MAN2C1: variants seen among roughly 807,000 people sequenced by gnomAD.
MAN2C1 encodes the protein mannosidase alpha class 2C member 1.
A neutral mutation model predicts 126.9 loss-of-function variants in MAN2C1; 111 were observed. That is an observed-to-expected ratio of 0.87 (90% CI 0.75 to 1.02). The LOEUF is 1.02. Among genes scored for constraint, MAN2C1 ranks in the 50% least tolerant of loss-of-function variants. The pLI, the probability that MAN2C1 is intolerant of heterozygous loss-of-function variation, is 0.00. For missense variants in MAN2C1, 1,363 were observed against 1,364.4 expected (o/e 1.00, Z 0.02); for synonymous variants, 567 against 561.5 (o/e 1.01, Z -0.14).
chr15:75,366,324 G>A (rs1365558387), intron 4 of MAN2C1, among the ~76,000 whole-genome samples, 198 bp downstream of exon 4: 1 of 152,220 alleles, frequency 6.6e-6, no homozygotes. Flanking sequence ...GCCTCCCAGG[G>A]TAGTGTGGGT....
rs911923170 is a variant in MAN2C1, at chr15:75,368,380, T to C, written c.101+103A>G. 6 of 1,394,998 alleles carry C rather than the reference T, an allele frequency of 4.3e-6. No homozygotes were observed. In the African/African-American group the frequency reaches 8.6e-5, roughly 20 times the overall value. 86.4% of individuals were successfully genotyped at this position (1,394,998 alleles called of 1,614,324 possible). A position where few individuals can be genotyped will look rare whatever the true frequency, so the allele number is the denominator to read the frequency against. ...CCCCTGCCCTGCCCGCGGCGGGCACTTTGTCCCGCGGCCCGGGTGGCTGCA... is the reference window on the plus strand; with the variant it reads ...CCCCTGCCCTGCCCGCGGCGGGCACCTTGTCCCGCGGCCCGGGTGGCTGCA... On this transcript the variant is annotated intron_variant, in intron 1 of 25. Coordinates refer to ENST00000267978, the MANE Select transcript of MAN2C1 (RefSeq NM_006715.4).
At position 75,364,125 on chromosome 15, in the gene MAN2C1, C is replaced by A; in HGVS notation, c.664G>T (p.Val222Leu). 1.2e-6 allele frequency: 2 copies of A among 1,614,174 alleles called. No individual in the cohort carries two copies. Among genetic ancestry groups the A allele is most frequent in the Non-Finnish European group, 1.7e-6 (2 of 1,180,000 alleles). ...ALYTANQMVN[V>L]CDPAQPETFP... Reference sequence around the variant, plus strand: ...GTCTCGGGCTGGGCAGGGTCACACACGTTCACCATCTGATTGGCTGTGTAC... The same window carrying A: ...GTCTCGGGCTGGGCAGGGTCACACAAGTTCACCATCTGATTGGCTGTGTAC... Residue 222 changes from valine to leucine, a missense_variant, in exon 6 of 26, where the codon GTG (valine) becomes TTG (leucine). By Grantham distance (32) the Val-to-Leu change is conservative. Coordinates refer to ENST00000267978, the MANE Select transcript of MAN2C1 (RefSeq NM_006715.4).
At chr15:75,359,515 T>A in intron 16 of MAN2C1, 90 bp from the exon 17 acceptor site, 2 of 1,559,480 alleles carry the variant, frequency 1.3e-6, no homozygotes, top group Admixed American at 3.5e-5. Flanking sequence ...GATGTGCTAC[T>A]ACTCTCCAGT....
chr15:75,364,368 A>G (rs995192913), intron 5 of MAN2C1, 120 bp downstream of exon 5: 63 of 1,296,204 alleles, frequency 4.9e-5, no homozygotes, highest in South Asian at 4.2e-4. Flanking sequence ...TCAACCCTCA[A>G]GCAGGTGGAA....
intron 13 of MAN2C1, 88 bp downstream of exon 13, chr15:75,360,477 G>A (rs2072444047): frequency 6.5e-7 from 1 of 1,549,716 alleles, no homozygotes. Context: ...CCTAGATCTG[G>A]CCTGGGCTCT....
At chr15:75,357,272 G>A in intron 21 of MAN2C1, 1 of 185,154 alleles carries the variant, frequency 5.4e-6, no homozygotes, top group Admixed American at 5.7e-5. Context: ...AGCCTCCCAA[G>A]TAGCTGGGAT....
In MAN2C1 at chr15:75,361,745, TGCA is replaced by T. The variant is rs781188662; in HGVS notation, c.1102-28_1102-26del. 3.7e-6 allele frequency: 6 copies of T among 1,601,026 alleles called. No homozygotes were observed. Among genetic ancestry groups the T allele is most frequent in the Non-Finnish European group, 5.1e-6 (6 of 1,168,590 alleles). ...ACTGTGGAGAAAGAGGATCCTGGAG[TGCA>T]GGAACCAGAGCTCCAGGCGGACTCA... On this transcript the variant is annotated intron_variant, in intron 9 of 25. Coordinates refer to ENST00000267978, the MANE Select transcript of MAN2C1 (RefSeq NM_006715.4). The surrounding 1 kb of genome is among the most constrained non-coding windows in gnomAD (Gnocchi z 5.0).
At chr15:75,360,793 C>T in intron 12 of MAN2C1, 105 bp from the exon 13 acceptor site, 1 of 1,452,166 alleles carries the variant, frequency 6.9e-7, no homozygotes, top group Non-Finnish European at 9.3e-7. Context: ...GGAGCCACTC[C>T]AGAAAGCTCC....
Position 75,361,347 on chromosome 15 carries a change from G to C in MAN2C1, c.1253C>G (p.Ser418Cys). ...AGGTGGGAAGTGGACCAGTACACGG[G>C]AGCCATCCAGGCCCTCCCAGAAAAA... ...HTFFWEGLDG[S>C]RVLVHFPPGD... The change falls in exon 11 of 26, where the codon TCC (serine) becomes TGC (cysteine). Residue 418 changes from serine to cysteine, a missense_variant. This residue lies in a region of MAN2C1 where 628 missense variants were observed against 609.8 expected (regional missense o/e 1.03). Transcript: ENST00000267978. This position sits in a 1 kb window ranked among gnomAD's most constrained non-coding sequence, Gnocchi z 5.0. The C allele has an allele frequency of 6.4e-7, 1 of 1,566,440 alleles. No individual in the cohort carries two copies. The highest frequency in any genetic ancestry group is 8.7e-7 in the Non-Finnish European group (1 of 1,154,998).
In MAN2C1 at chr15:75,364,640, A is replaced by C; in HGVS notation, c.448T>G (p.Cys150Gly). 6.2e-7 allele frequency: 1 copy of C among 1,612,884 alleles called. No individual in the cohort carries two copies. Among genetic ancestry groups the C allele is most frequent in the Non-Finnish European group, 8.5e-7 (1 of 1,179,372 alleles). Residue 150 changes from cysteine (C) to glycine (G), a missense_variant, in exon 5 of 26, where the codon TGC becomes GGC. Around this residue, in one of 3 missense-constraint regions of MAN2C1, gnomAD observed 628 missense variants for 609.8 expected, o/e 1.03. Transcript: ENST00000267978. ...RSLTLYVEVA[C>G]NGLLGAGKGS... ...TTCCCGGCCCCCAGGAGCCCATTGC[A>C]GGCTACTTCCACATAGAGAGTGAGG...
chr15:75,359,409 G>T lies in MAN2C1; in HGVS notation c.1965C>A (p.Pro655=). 1 of 1,610,952 alleles carries T rather than the reference G, an allele frequency of 6.2e-7. No homozygotes were observed. Among genetic ancestry groups the T allele is most frequent in the South Asian group, 1.1e-5 (1 of 90,826 alleles). ...GAHSLALVTV[P]SMGYAPVPPP... is the part of the protein sequence containing the mutation. Reference sequence around the variant, plus strand: ...GAGGAACAGGAGCATAGCCCATGCTGGGCACTGTCACCAGGGCTGGGGGTG... The same window carrying T: ...GAGGAACAGGAGCATAGCCCATGCTTGGCACTGTCACCAGGGCTGGGGGTG... The change falls in exon 17 of 26, where the codon CCC becomes CCA. Residue 655 remains proline, a synonymous_variant. Transcript: ENST00000267978.
chr15:75,359,532 C>T (rs969951762), intron 16 of MAN2C1, 88 bp downstream of exon 16: 169 of 1,566,350 alleles, frequency 1.1e-4, no homozygotes, highest in Non-Finnish European at 1.4e-4. Flanking sequence ...CAGTCAGGGG[C>T]ACCCAGATCC....
intron 2 of MAN2C1, 150 bp from the exon 3 acceptor site, chr15:75,367,784 G>A (rs2072607448): frequency 1.9e-6 from 2 of 1,052,946 alleles, no homozygotes; most frequent in Non-Finnish European, 2.7e-6. Flanking sequence ...GGAGCAACAA[G>A]GTGAGAAGCA....
At position 75,361,677 on chromosome 15, in the gene MAN2C1, T is replaced by G. The variant is rs1277103822; in HGVS notation, c.1145A>C (p.Gln382Pro). 1.2e-6 allele frequency: 2 copies of G among 1,613,968 alleles called. No individual in the cohort carries two copies. The highest frequency in any genetic ancestry group is 1.7e-6 in the Non-Finnish European group (2 of 1,180,006). Residue 382 changes from glutamine (Q) to proline (P), a missense_variant, in exon 10 of 26, where the codon CAG becomes CCG. By Grantham distance (76) the Gln-to-Pro change is moderately conservative. Coordinates refer to ENST00000267978, the MANE Select transcript of MAN2C1 (RefSeq NM_006715.4). The surrounding 1 kb of genome is among the most constrained non-coding windows in gnomAD (Gnocchi z 5.0). ...CCTGATGCCACAGCCGTGCATGATC[T>G]GGGGGAGCTGTGCTGAGTAGCCAAA... is the stretch of plus-strand genomic sequence containing the variant. Reference protein sequence around the residue: ...DTFGYSAQLPQIMHGCGIRRF... With the variant: ...DTFGYSAQLPPIMHGCGIRRF...
At position 75,361,516 on chromosome 15, in the gene MAN2C1, T is replaced by C; in HGVS notation, c.1218+88A>G. 7.8e-7 allele frequency: 1 copy of C among 1,289,030 alleles called. No individual in the cohort carries two copies. Among genetic ancestry groups the C allele is most frequent in the Non-Finnish European group, 1.1e-6 (1 of 886,454 alleles). The allele number at this position is 1,289,030 out of a possible 1,614,324, so 79.8% of individuals were successfully genotyped here. ...GGCAGAGTGAGGGTTTGGTGGTCTG[T>C]CTAGGACCCCACAATAAGGGGGAGA... On this transcript the variant is annotated intron_variant, in intron 10 of 25. Transcript: ENST00000267978. The surrounding 1 kb of genome is among the most constrained non-coding windows in gnomAD (Gnocchi z 5.0).
At chr15:75,367,132 A>C (rs2072591381) in intron 3 of MAN2C1, among the ~76,000 whole-genome samples, 1 of 152,040 alleles carries the variant, frequency 6.6e-6, no homozygotes, top group South Asian at 2.1e-4. Context: ...AGTCAACTAC[A>C]CATCTGTTTC....
At chr15:75,365,868 T>C in intron 4 of MAN2C1, 1 of 373,000 alleles carries the variant, frequency 2.7e-6, no homozygotes, top group Admixed American at 3.6e-5. Context: ...GCGGATAACC[T>C]GAGGTCAAGA....
chr15:75,360,822 C>G, intron 12 of MAN2C1, 134 bp from the exon 13 acceptor site: 4 of 1,268,426 alleles, frequency 3.2e-6, no homozygotes, highest in Non-Finnish European at 4.3e-6. Context: ...AGATGGCCAG[C>G]CCTGGACGCC....
chr15:75,358,631 G>A lies in MAN2C1; in HGVS notation c.2247-13C>T, dbSNP rs3809549. The A allele has an allele frequency of 0.47, 753,565 of 1,612,538 alleles. 180,262 individuals are homozygous for A. Among genetic ancestry groups the A allele is most frequent in the South Asian group, 0.54 (49,317 of 91,044 alleles). On this transcript the variant is annotated splice_polypyrimidine_tract_variant and intron_variant, in intron 19 of 25. Coordinates refer to ENST00000267978, the MANE Select transcript of MAN2C1 (RefSeq NM_006715.4). Reference sequence around the variant, plus strand: ...CAGCACAGGCTTCCTATGGGACAGGGGTGGACATACTGATCCAGAGCAGCC... The same window carrying A: ...CAGCACAGGCTTCCTATGGGACAGGAGTGGACATACTGATCCAGAGCAGCC...
Sources: gnomAD v4.1 joint callset for allele counts (sites outside exome capture counted in the v4.1 genomes callset) on GRCh38, gnomAD v4.1.1 for gene constraint, gnomAD v4.1.1 regional missense constraint, Gnocchi (gnomAD v3.1) non-coding constraint, MANE v1.5 for transcripts, NCBI Gene and HGNC (gene_info 2026-07-23, HGNC 2026-07-21) for gene names.